The following TRIM2 variants were observed in gnomAD, a reference collection of about 807,000 sequenced individuals.
TRIM2 encodes tripartite motif containing 2.
In TRIM2, 20 loss-of-function variants were observed where a neutral mutation model predicts 75.2. That is an observed-to-expected ratio of 0.27 (90% CI 0.19 to 0.39). The LOEUF (loss-of-function observed/expected upper bound fraction) is 0.39, where lower values mean the gene tolerates loss of function less well. Ranked by LOEUF, TRIM2 falls within the 10% of genes least tolerant of loss-of-function variation. The pLI, the probability that TRIM2 is intolerant of heterozygous loss-of-function variation, is 1.00. For synonymous variants in TRIM2, 373 were observed against 388.3 expected (o/e 0.96, Z 0.46); for missense variants, 660 against 990.8 (o/e 0.67, Z 4.48).
intron 1 of TRIM2, among the ~76,000 whole-genome samples, chr4:153,239,607 G>A (rs141297348): frequency 4.9e-4 from 74 of 152,246 alleles, no homozygotes; most frequent in African/African-American, 1.6e-3. Flanking sequence ...CATGAAAGTG[G>A]AATAAATGAA....
intron 1 of TRIM2, among the ~76,000 whole-genome samples, chr4:153,170,380 G>A (rs1730725173): frequency 6.6e-6 from 1 of 152,082 alleles, no homozygotes; most frequent in South Asian, 2.1e-4. Flanking sequence ...CACTAGGAAT[G>A]GCATGTTTAA....
At chr4:153,298,526 A>G (rs936129831) in intron 6 of TRIM2, among the ~76,000 whole-genome samples, 4 of 152,134 alleles carry the variant, frequency 2.6e-5, no homozygotes. Flanking sequence ...CCGCTTTAAC[A>G]GCCTCATTTT....
intron 1 of TRIM2, among the ~76,000 whole-genome samples, chr4:153,226,089 T>C (rs1450644947): frequency 6.6e-6 from 1 of 152,198 alleles, no homozygotes; most frequent in East Asian, 1.9e-4. Context: ...CAAGCTGTCC[T>C]TGAGCTCCTG....
At chr4:153,277,627 A>G (rs960372018) in intron 3 of TRIM2, among the ~76,000 whole-genome samples, 1 of 152,222 alleles carries the variant, frequency 6.6e-6, no homozygotes, top group Non-Finnish European at 1.5e-5. Context: ...TTCACTTTAT[A>G]AGATGAAGAA....
chr4:153,182,485 G>A (rs879702614), intron 1 of TRIM2, among the ~76,000 whole-genome samples: 22 of 152,042 alleles, frequency 1.4e-4, no homozygotes, highest in East Asian at 1.9e-4. Flanking sequence ...CCCGTGACTC[G>A]GTTTCCTCAT....
rs1202581448 is a variant in TRIM2 at position 153,337,324 on chromosome 4, A to G, written c.*2358A>G. 22 of 985,856 alleles carry G rather than the reference A, an allele frequency of 2.2e-5. No homozygotes were observed. The highest frequency in any genetic ancestry group is 2.7e-5 in the Non-Finnish European group (22 of 829,930). The allele number at this position is 985,856 out of a possible 1,614,324, so 61.1% of individuals were successfully genotyped here. ...TTGTGAACTTAGAAATTAACTTACA[A>G]TCTAACCAGCCATCATATCATATCC... On this transcript the variant is annotated 3_prime_UTR_variant, in exon 12 of 12. Coordinates refer to ENST00000338700, the MANE Select transcript of TRIM2 (RefSeq NM_015271.5).
At chr4:153,283,870 T>C (rs1248787485) in intron 3 of TRIM2, among the ~76,000 whole-genome samples, 33 of 134,744 alleles carry the variant, frequency 2.4e-4, no homozygotes, top group Non-Finnish European at 4.8e-4. Flanking sequence ...TCTTTTTTTT[T>C]TTTTTTTTTT....
chr4:153,289,214 A>C (rs948450834), intron 3 of TRIM2, among the ~76,000 whole-genome samples: 2 of 152,072 alleles, frequency 1.3e-5, no homozygotes, highest in African/African-American at 4.8e-5. Flanking sequence ...CCCTCTCCCT[A>C]GGGTTTTTTG....
intron 1 of TRIM2, among the ~76,000 whole-genome samples, chr4:153,192,596 C>A (rs1733312989): frequency 9.2e-6 from 1 of 108,400 alleles, no homozygotes; most frequent in African/African-American, 3.7e-5. Context: ...GACAGAGACC[C>A]TATCTCAAAA....
intron 10 of TRIM2, among the ~76,000 whole-genome samples, chr4:153,324,736 A>G (rs1226793854): frequency 1.3e-5 from 2 of 152,234 alleles, no homozygotes; most frequent in Non-Finnish European, 2.9e-5. Context: ...AATGGTTCAA[A>G]ACACATTACT....
At chr4:153,292,221 A>G (rs1300008600) in intron 3 of TRIM2, among the ~76,000 whole-genome samples, 1 of 152,240 alleles carries the variant, frequency 6.6e-6, no homozygotes, top group East Asian at 1.9e-4. Flanking sequence ...AATGGACTCA[A>G]TGCAGAAGTG....
intron 4 of TRIM2, 88 bp from the exon 5 acceptor site, chr4:153,294,216 AT>A (rs1560963371): frequency 7.2e-7 from 1 of 1,386,992 alleles, no homozygotes; most frequent in South Asian, 1.4e-5. Context: ...AAGGCATAGA[AT>A]TTTTTTAAAC....
At chr4:153,226,919 A>G (rs1742279516) in intron 1 of TRIM2, among the ~76,000 whole-genome samples, 3 of 152,256 alleles carry the variant, frequency 2.0e-5, no homozygotes, top group African/African-American at 7.2e-5. Flanking sequence ...GGATTTATTG[A>G]GCAAATACTA....
intron 1 of TRIM2, among the ~76,000 whole-genome samples, chr4:153,217,161 G>A (rs752076451): frequency 2.0e-5 from 3 of 151,850 alleles, no homozygotes; most frequent in African/African-American, 7.3e-5. Flanking sequence ...AATGTTTTGG[G>A]GTTTCTGCTA....
rs1162911664 is a variant in TRIM2, at chr4:153,336,856, A to T, written c.*1890A>T. ...TATTTTTTTAGTTAGGTAGAGTTTT[A>T]AAAAATACTTGAGCCTGTCCGTGAT... On this transcript the variant is annotated 3_prime_UTR_variant, in exon 12 of 12. Transcript: ENST00000338700. 9.1e-6 allele frequency: 9 copies of T among 985,252 alleles called. No individual in the cohort carries two copies. The African/African-American group carries it at 1.2e-4, about 13-fold the overall frequency. The allele number at this position is 985,252 out of a possible 1,614,324, so 61.0% of individuals were successfully genotyped here.
chr4:153,156,170 G>T (rs2149586046), intron 1 of TRIM2, among the ~76,000 whole-genome samples: 1 of 152,310 alleles, frequency 6.6e-6, no homozygotes, highest in South Asian at 2.1e-4. Context: ...CCAGACTTTT[G>T]CCTTCTTTGT....
intron 1 of TRIM2, among the ~76,000 whole-genome samples, chr4:153,164,738 A>G (rs1273555730): frequency 6.6e-6 from 1 of 152,200 alleles, no homozygotes; most frequent in South Asian, 2.1e-4. Context: ...CACTTATAGT[A>G]GATGAGAACT....
chr4:153,161,074 C>A (rs1331198851), intron 1 of TRIM2, among the ~76,000 whole-genome samples: 1 of 152,180 alleles, frequency 6.6e-6, no homozygotes, highest in Non-Finnish European at 1.5e-5. Flanking sequence ...TCTTCATTGG[C>A]CAGCCTCTTT....
intron 3 of TRIM2, among the ~76,000 whole-genome samples, chr4:153,283,861 CTTTTTTTTT>C (rs71598257): frequency 1.1e-4 from 6 of 53,276 alleles, no homozygotes; most frequent in Middle Eastern, 0.015. Flanking sequence ...TGGCCTTGAT[CTTTTTTTTT>C]TTTTTTTTTT....
Sources: gnomAD v4.1 joint callset for allele counts (sites outside exome capture counted in the v4.1 genomes callset) on GRCh38, gnomAD v4.1.1 for gene constraint, MANE v1.5 for transcripts, NCBI Gene and HGNC (gene_info 2026-07-23, HGNC 2026-07-21) for gene names.